The following ADAM20 variants were observed in gnomAD, a reference collection of about 807,000 sequenced individuals.
ADAM20 encodes the protein disintegrin and metalloproteinase domain-containing protein 20.
For missense variants in ADAM20, 871 were observed against 883.2 expected, an observed-to-expected ratio of 0.99 and a Z score of 0.18; for synonymous variants, 305 against 310.2, an observed-to-expected ratio of 0.98 and a Z score of 0.18.
chr14:70,569,830 G>A, the ADAM20 span, among the ~76,000 whole-genome samples: 2 of 143,274 alleles, frequency 1.4e-5, no homozygotes, highest in Admixed American at 1.4e-4. Context: ...ATAATAGTGG[G>A]GGACTTCACT....
intron 1 of ADAM20, among the ~76,000 whole-genome samples, chr14:70,528,943 T>G (rs1415841201): frequency 1.3e-5 from 2 of 152,074 alleles, no homozygotes; most frequent in Non-Finnish European, 2.9e-5. Flanking sequence ...AGACAAAAGA[T>G]GAGACTATAT....
the ADAM20 span, among the ~76,000 whole-genome samples, chr14:70,540,458 A>G: frequency 1.9e-4 from 29 of 152,352 alleles, no homozygotes; most frequent in African/African-American, 6.3e-4. Context: ...AAGATTAGAA[A>G]TGTCTTAAGA....
chr14:70,524,366 C>T lies in ADAM20; in HGVS notation c.392G>A (p.Gly131Asp), dbSNP rs1159050410. The change falls in exon 2 of 2, where the codon GGC (glycine) becomes GAC (aspartate). Residue 131 changes from glycine to aspartate, a missense_variant. Gly to Asp is a moderately conservative substitution (Grantham distance 94). Transcript: ENST00000256389. Reference sequence around the variant, plus strand: ...ATTTATCTGTAGCATTCCAAGAAAGCCCCCAGAACAGGTACTAAGGGCAAC... The same window carrying T: ...ATTTATCTGTAGCATTCCAAGAAAGTCCCCAGAACAGGTACTAAGGGCAAC... Reference protein sequence around the residue: ...SLVALSTCSGGFLGMLQINDL... With the variant: ...SLVALSTCSGDFLGMLQINDL... 2 of 1,613,820 alleles carry T rather than the reference C, an allele frequency of 1.2e-6. No individual in the cohort carries two copies. The highest frequency in any genetic ancestry group is 1.3e-5 in the African/African-American group (1 of 74,870).
intron 1 of ADAM20, among the ~76,000 whole-genome samples, chr14:70,530,993 T>C (rs118180794): frequency 3.4e-4 from 52 of 151,374 alleles, no homozygotes; most frequent in Non-Finnish European, 7.1e-4. Context: ...GACATAAACA[T>C]TGGAGCAGTA....
chr14:70,565,788 G>A, the ADAM20 span, among the ~76,000 whole-genome samples: 5 of 152,166 alleles, frequency 3.3e-5, no homozygotes, highest in Admixed American at 3.3e-4. Context: ...CTGATGTAAA[G>A]TATACAGGAA....
the ADAM20 span, among the ~76,000 whole-genome samples, chr14:70,564,736 ATTTTTTTTTTTTTT>A: frequency 2.2e-5 from 2 of 91,850 alleles, no homozygotes; most frequent in African/African-American, 4.2e-5. Flanking sequence ...GATAGACGCA[ATTTTTTTTTTTTTT>A]TTTTTTTTTT....
chr14:70,553,324 A>C, the ADAM20 span, among the ~76,000 whole-genome samples: 66 of 127,158 alleles, frequency 5.2e-4, no homozygotes, highest in Admixed American at 6.1e-4. Flanking sequence ...AAAAAAAAAA[A>C]AAAAAAAACT....
rs768386169 is a variant in ADAM20, at chr14:70,524,850, G to A, written c.-93C>T. 7 of 1,613,036 alleles carry A rather than the reference G, an allele frequency of 4.3e-6. No homozygotes were observed. In the East Asian group the frequency reaches 1.6e-4, roughly 36 times the overall value. On this transcript the variant is annotated 5_prime_UTR_variant, in exon 2 of 2. Coordinates refer to ENST00000256389, the MANE Select transcript of ADAM20 (RefSeq NM_003814.5). The stretch of plus-strand genomic sequence containing the variant: ...CTGGCTCCTCCCTCTGAGCTGTTCA[G>A]GGTGCATGGCTGACCTTTAGGGATC...
At chr14:70,574,806 T>G in the ADAM20 span, among the ~76,000 whole-genome samples, 822 of 151,980 alleles carry the variant, frequency 5.4e-3, 6 homozygotes, top group African/African-American at 0.019. Context: ...ATCAAACAAG[T>G]GAATTTTTAA....
At chr14:70,540,129 T>C in the ADAM20 span, among the ~76,000 whole-genome samples, 1 of 152,214 alleles carries the variant, frequency 6.6e-6, no homozygotes, top group Non-Finnish European at 1.5e-5. Flanking sequence ...TCCGCCTGCC[T>C]TGGCCTCCCA....
the ADAM20 span, among the ~76,000 whole-genome samples, chr14:70,577,686 G>A: frequency 6.6e-6 from 1 of 152,096 alleles, no homozygotes; most frequent in African/African-American, 2.4e-5. Flanking sequence ...GTGTAGTACT[G>A]GTATACAGAC....
chr14:70,536,452 C>A (rs1172709227), upstream of ADAM20, among the ~76,000 whole-genome samples: 1 of 43,852 alleles, frequency 2.3e-5, no homozygotes, highest in East Asian at 6.4e-4. Flanking sequence ...GGCAACAGAG[C>A]AAAACTCTGT....
chr14:70,542,656 T>C, the ADAM20 span, among the ~76,000 whole-genome samples: 95 of 152,326 alleles, frequency 6.2e-4, no homozygotes, highest in Non-Finnish European at 1.0e-3. Context: ...AAAAGGCCTA[T>C]GTCCAGGCAT....
the ADAM20 span, chr14:70,556,498 T>C: frequency 6.6e-6 from 1 of 152,194 alleles, no homozygotes; most frequent in African/African-American, 2.4e-5. Flanking sequence ...GATGCACAGA[T>C]ACAGATAACC....
chr14:70,559,592 T>C, the ADAM20 span, among the ~76,000 whole-genome samples: 39 of 152,224 alleles, frequency 2.6e-4, no homozygotes, highest in African/African-American at 8.4e-4. Flanking sequence ...ATCTTATTCA[T>C]AGTAAAAGTC....
the ADAM20 span, among the ~76,000 whole-genome samples, chr14:70,555,706 A>G: frequency 1.3e-5 from 2 of 152,294 alleles, no homozygotes; most frequent in South Asian, 4.1e-4. Context: ...AGTGTGGCCA[A>G]GATTCCCTAC....
the ADAM20 span, among the ~76,000 whole-genome samples, chr14:70,543,459 T>C: frequency 6.6e-6 from 1 of 152,202 alleles, no homozygotes; most frequent in South Asian, 2.1e-4. Context: ...CTGCCTTTTA[T>C]TGGGTGAGAA....
At chr14:70,562,949 T>C in the ADAM20 span, among the ~76,000 whole-genome samples, 6 of 152,232 alleles carry the variant, frequency 3.9e-5, no homozygotes, top group African/African-American at 1.4e-4. Flanking sequence ...TGTTGGTAGC[T>C]TGTCATTTCT....
chr14:70,533,226 T>C (rs573727257), intron 1 of ADAM20, among the ~76,000 whole-genome samples: 1 of 152,274 alleles, frequency 6.6e-6, no homozygotes, highest in East Asian at 1.9e-4. Flanking sequence ...GATATACCAT[T>C]TAACCCAGCA....
Sources: gnomAD v4.1 joint callset for allele counts (sites outside exome capture counted in the v4.1 genomes callset) on GRCh38, gnomAD v4.1.1 for gene constraint, MANE v1.5 for transcripts, NCBI Gene and HGNC (gene_info 2026-07-23, HGNC 2026-07-21) for gene names.